Variants in DGKB observed in about 807,000 individuals in gnomAD.
DGKB encodes diacylglycerol kinase beta.
A neutral mutation model predicts 114.3 loss-of-function variants in DGKB; 67 were observed. The ratio of observed to expected loss-of-function variants is 0.59; its 90% CI spans 0.48 to 0.72. The LOEUF (loss-of-function observed/expected upper bound fraction) is 0.72, where lower values mean the gene tolerates loss of function less well. DGKB is among the 30% of genes least tolerant of loss of function. DGKB has a pLI of 0.00. For missense variants in DGKB, 907 were observed against 975.2 expected (o/e 0.93, Z 0.93); for synonymous variants, 398 against 323.1 (o/e 1.23, Z -2.49).
chr7:14,682,965 C>T (rs1821088706), intron 10 of DGKB, 124 bp from the exon 11 acceptor site: 2 of 678,868 alleles, frequency 2.9e-6, no homozygotes, highest in Non-Finnish European at 5.2e-6. Flanking sequence ...TCCAATCAGC[C>T]ACATCAAGGA....
chr7:14,632,942 A>T (rs1810029247), intron 13 of DGKB, among the ~76,000 whole-genome samples: 1 of 151,984 alleles, frequency 6.6e-6, no homozygotes, highest in African/African-American at 2.4e-5. Context: ...GCCAAAAGAT[A>T]ATACAAATAG....
intron 21 of DGKB, among the ~76,000 whole-genome samples, chr7:14,452,064 A>G (rs545069976): frequency 6.6e-6 from 1 of 152,256 alleles, no homozygotes; most frequent in East Asian, 1.9e-4. Context: ...ATTTATTTGG[A>G]AAGGTACACC....
chr7:14,894,757 G>C (rs1781841417), intron 1 of DGKB, among the ~76,000 whole-genome samples: 1 of 151,554 alleles, frequency 6.6e-6, no homozygotes. Flanking sequence ...TCCACTTGAA[G>C]CTCAAAAGCC....
chr7:14,424,490 C>T (rs1827203387), intron 21 of DGKB, among the ~76,000 whole-genome samples: 2 of 151,970 alleles, frequency 1.3e-5, no homozygotes, highest in African/African-American at 4.8e-5. Context: ...CTATCACTCT[C>T]TGGAAGCTTT....
intron 1 of DGKB, among the ~76,000 whole-genome samples, chr7:14,941,714 A>C (rs1052512784): frequency 6.6e-6 from 1 of 152,024 alleles, no homozygotes; most frequent in African/African-American, 2.4e-5. Context: ...TCAGTTCCTA[A>C]TCATACAATA....
chr7:14,273,109 T>C (rs1160114743), intron 23 of DGKB, among the ~76,000 whole-genome samples: 1 of 151,840 alleles, frequency 6.6e-6, no homozygotes, highest in Admixed American at 6.6e-5. Context: ...CTTTGGGAGG[T>C]GGAGGCAGGT....
At chr7:14,677,097 G>A (rs1482651466) in intron 12 of DGKB, among the ~76,000 whole-genome samples, 1 of 151,726 alleles carries the variant, frequency 6.6e-6, no homozygotes, top group Non-Finnish European at 1.5e-5. Context: ...CTAATTTAGA[G>A]CCAGATCTAT....
At chr7:14,672,392 AT>A (rs1271694192) in intron 13 of DGKB, among the ~76,000 whole-genome samples, 2 of 151,964 alleles carry the variant, frequency 1.3e-5, no homozygotes, top group African/African-American at 4.8e-5. Flanking sequence ...ATGCATTTTC[AT>A]TTCTATACTT....
chr7:14,545,561 G>A (rs543461812), intron 20 of DGKB, among the ~76,000 whole-genome samples: 1 of 152,256 alleles, frequency 6.6e-6, no homozygotes, highest in African/African-American at 2.4e-5. Context: ...ACAGACTAGA[G>A]CAAAGGAACT....
At chr7:14,905,244 G>GTTTTT (rs55752603), upstream of DGKB, among the ~76,000 whole-genome samples, 18 of 139,348 alleles carry the variant, frequency 1.3e-4, 1 homozygote, top group South Asian at 1.1e-3. Context: ...CATCTTGTTA[G>GTTTTT]TTTTTTTTTT....
intron 21 of DGKB, among the ~76,000 whole-genome samples, chr7:14,384,580 C>A (rs183473949): frequency 6.6e-6 from 1 of 152,328 alleles, no homozygotes; most frequent in Non-Finnish European, 1.5e-5. Flanking sequence ...TTAGGGCCCA[C>A]AGAACTCACC....
At chr7:14,192,509 T>C (rs1026426346) in intron 23 of DGKB, among the ~76,000 whole-genome samples, 1 of 151,488 alleles carries the variant, frequency 6.6e-6, no homozygotes, top group Non-Finnish European at 1.5e-5. Flanking sequence ...ATTGGAAGAA[T>C]TTTTTTTAAA....
chr7:14,933,922 G>C (rs1392927243), intron 1 of DGKB, among the ~76,000 whole-genome samples: 1 of 152,104 alleles, frequency 6.6e-6, no homozygotes, highest in Non-Finnish European at 1.5e-5. Flanking sequence ...CAAGAATCAT[G>C]AAAGCTTGTG....
chr7:14,961,361 C>G (rs931370292), intron 1 of DGKB, among the ~76,000 whole-genome samples: 3 of 152,062 alleles, frequency 2.0e-5, no homozygotes, highest in South Asian at 2.1e-4. Context: ...AGTAACCAAA[C>G]CTTTCTAATT....
intron 1 of DGKB, among the ~76,000 whole-genome samples, chr7:14,898,957 A>T (rs1235200455): frequency 6.6e-6 from 1 of 152,174 alleles, no homozygotes; most frequent in African/African-American, 2.4e-5. Context: ...CCTTCATTTC[A>T]AATTGTTGAC....
chr7:14,910,305 A>C (rs1783933043), intron 1 of DGKB, among the ~76,000 whole-genome samples: 1 of 129,746 alleles, frequency 7.7e-6, no homozygotes, highest in African/African-American at 2.9e-5. Flanking sequence ...AAAGAAAGAA[A>C]GAAAGAAAGA....
intron 23 of DGKB, among the ~76,000 whole-genome samples, chr7:14,196,071 C>T (rs570655574): frequency 6.6e-6 from 1 of 152,144 alleles, no homozygotes; most frequent in Non-Finnish European, 1.5e-5. Context: ...TGGTGACTTG[C>T]CAGAGAACCC....
At chr7:14,677,487 G>A (rs554114368) in intron 12 of DGKB, among the ~76,000 whole-genome samples, 1 of 151,998 alleles carries the variant, frequency 6.6e-6, no homozygotes, top group African/African-American at 2.4e-5. Flanking sequence ...TTACTGTTAG[G>A]AATTTAGTAT....
intron 12 of DGKB, 54 bp from the exon 13 acceptor site, chr7:14,673,081 T>TG (rs1819252150): frequency 1.0e-6 from 1 of 964,716 alleles, no homozygotes; most frequent in Admixed American, 2.1e-5. Context: ...ACGCCTAACA[T>TG]GGGGGAGATT....
Sources: gnomAD v4.1 joint callset for allele counts (sites outside exome capture counted in the v4.1 genomes callset) on GRCh38, gnomAD v4.1.1 for gene constraint, MANE v1.5 for transcripts, NCBI Gene and HGNC (gene_info 2026-07-23, HGNC 2026-07-21) for gene names.